SEC23B: variants seen among roughly 807,000 people sequenced by gnomAD.
SEC23B encodes the protein protein transport protein Sec23B.
Under a neutral mutation model 104.3 loss-of-function variants are expected in SEC23B, and 77 were observed. The observed-to-expected ratio is 0.74, with a 90% confidence interval of 0.61 to 0.89. The LOEUF is 0.89. Ranked by LOEUF, SEC23B falls within the 40% of genes least tolerant of loss-of-function variation. SEC23B has a pLI of 0.00. For missense variants in SEC23B, 885 were observed against 949.4 expected, an observed-to-expected ratio of 0.93 and a Z score of 0.89; for synonymous variants, 338 against 332.5, an observed-to-expected ratio of 1.02 and a Z score of -0.18.
At chr20:18,542,987 C>T in intron 13 of SEC23B, 32 bp from the exon 14 acceptor site, 1 of 1,613,872 alleles carries the variant, frequency 6.2e-7, no homozygotes, top group Non-Finnish European at 8.5e-7. Context: ...CTCTCCTAAA[C>T]ATAAGCATGG....
chr20:18,512,299 TA>T lies in SEC23B; in HGVS notation c.279+23del. 1 of 1,461,426 alleles carries T rather than the reference TA, an allele frequency of 6.8e-7. No individual in the cohort carries two copies. The highest frequency in any genetic ancestry group is 9.5e-7 in the Non-Finnish European group (1 of 1,049,076). 90.5% of individuals were successfully genotyped at this position (1,461,426 alleles called of 1,614,324 possible). A position where few individuals can be genotyped will look rare whatever the true frequency, so the allele number is the denominator to read the frequency against. On this transcript the variant is annotated intron_variant, in intron 3 of 19. Transcript: ENST00000650089. ...AGAAATCAGGTATGTGAATTATTTT[TA>T]AAAAATGTTATATGTTTTATTTTAG...
intron 3 of SEC23B, among the ~76,000 whole-genome samples, chr20:18,515,264 C>T (rs188782855): frequency 3.3e-5 from 5 of 152,260 alleles, no homozygotes; most frequent in Admixed American, 6.5e-5. Context: ...TGTTTTTTAA[C>T]GTGTCCTGTA....
At chr20:18,512,784 G>A (rs1255383165) in intron 3 of SEC23B, among the ~76,000 whole-genome samples, 1 of 152,190 alleles carries the variant, frequency 6.6e-6, no homozygotes, top group Non-Finnish European at 1.5e-5. Context: ...AGGCCTAGTG[G>A]CTCATGCCTG....
chr20:18,524,349 A>C lies in SEC23B; in HGVS notation c.367-84A>C, dbSNP rs1268380303. The C allele has an allele frequency of 6.5e-5, 63 of 966,130 alleles. No homozygotes were observed. In the South Asian group the frequency reaches 6.7e-4, roughly 10 times the overall value. 59.8% of individuals were successfully genotyped at this position (966,130 alleles called of 1,614,324 possible). The stretch of plus-strand genomic sequence containing the variant: ...AAACTAAATATAGATGAAGACTTAC[A>C]ATTTTCATACCTAATTTGCCTTAAA... On this transcript the variant is annotated intron_variant, in intron 4 of 19. Transcript: ENST00000650089.
At chr20:18,550,076 ATATATATGTATATGAT>A (rs1239448881) in intron 16 of SEC23B, among the ~76,000 whole-genome samples, 1 of 148,194 alleles carries the variant, frequency 6.7e-6, no homozygotes, top group Non-Finnish European at 1.5e-5. Flanking sequence ...ATGTATATAA[ATATATATGTATATGAT>A]TATATATGTA....
At chr20:18,557,963 C>T (rs965851416) in intron 19 of SEC23B, among the ~76,000 whole-genome samples, 1 of 151,908 alleles carries the variant, frequency 6.6e-6, no homozygotes, top group Non-Finnish European at 1.5e-5. Flanking sequence ...GTTGGTCAGG[C>T]TGGTCTCGAA....
At position 18,540,032 on chromosome 20, in the gene SEC23B, A is replaced by ATCTG. The variant is rs2060273915; in HGVS notation, c.1405-2263_1405-2262insCTGT. Reference sequence around the variant, plus strand: ...CTGAAGTCTCAAACCCCTCAAAATTATAAGAACTGGAGTAAACTTCCAAAC... The same window carrying ATCTG: ...CTGAAGTCTCAAACCCCTCAAAATTATCTGTAAGAACTGGAGTAAACTTCCAAAC... On this transcript the variant is annotated intron_variant, in intron 12 of 19. Coordinates refer to ENST00000650089, the MANE Select transcript of SEC23B (RefSeq NM_006363.6). 3.3e-5 allele frequency among the ~76,000 whole-genome samples: 5 copies of ATCTG among 151,384 alleles called. No individual in the cohort carries two copies. In the South Asian group the frequency reaches 1.1e-3, roughly 32 times the overall value.
Position 18,554,967 on chromosome 20 carries a change from CAATT to C in SEC23B, c.2149-140_2149-137del. 16 of 69,434 alleles carry C rather than the reference CAATT, an allele frequency of 2.3e-4. 7 individuals carry two copies. Among genetic ancestry groups the C allele is most frequent in the South Asian group, 1.2e-3 (6 of 4,862 alleles). The allele number at this position is 69,434 out of a possible 1,614,324, so 4.3% of individuals were successfully genotyped here. On this transcript the variant is annotated intron_variant, in intron 18 of 19. Transcript: ENST00000650089. ...AGAAATAGATTACTGTGCAGTAAAA[CAATT>C]CTAATTAGATTACTGTGCAGTAAAA...
Position 18,530,683 on chromosome 20 carries a change from C to G in SEC23B, c.1113C>G (p.Gly371=). The change falls in exon 10 of 20, where the codon GGC becomes GGG. Residue 371 remains glycine (G), a synonymous_variant. Coordinates refer to ENST00000650089, the MANE Select transcript of SEC23B (RefSeq NM_006363.6). The part of the protein sequence containing the change: ...EMKCCANLTG[G]YMVMGDSFNT... ...TGATTTTTTTCTTCTTACCTAGAGG[C>G]TACATGGTAATGGGAGATTCTTTCA... 9 of 1,612,044 alleles carry G rather than the reference C, an allele frequency of 5.6e-6. No homozygotes were observed. The highest frequency in any genetic ancestry group is 7.6e-6 in the Non-Finnish European group (9 of 1,178,224).
intron 12 of SEC23B, among the ~76,000 whole-genome samples, chr20:18,540,274 A>T (rs1363250858): frequency 6.6e-6 from 1 of 152,232 alleles, no homozygotes; most frequent in Non-Finnish European, 1.5e-5. Flanking sequence ...TGCAGAACGG[A>T]TGTTGTGTTA....
intron 12 of SEC23B, among the ~76,000 whole-genome samples, chr20:18,537,057 C>G (rs1419906487): frequency 6.6e-6 from 1 of 152,130 alleles, no homozygotes; most frequent in Non-Finnish European, 1.5e-5. Flanking sequence ...ACAGTTCAAA[C>G]CTGTGTTACT....
chr20:18,535,206 A>G (rs1163838838), intron 11 of SEC23B, among the ~76,000 whole-genome samples: 1 of 79,238 alleles, frequency 1.3e-5, no homozygotes, highest in Non-Finnish European at 2.6e-5. Flanking sequence ...ACCCCCCCCC[A>G]CACACACGTA....
intron 4 of SEC23B, among the ~76,000 whole-genome samples, chr20:18,518,582 G>GTTTTTTT (rs57231166): frequency 0.089 from 8,190 of 92,440 alleles, 1,165 homozygotes; most frequent in Non-Finnish European, 0.12. Context: ...CTGGAAGGAG[G>GTTTTTTT]TTTTTTTTTT....
chr20:18,518,021 G>A (rs2060045668), intron 4 of SEC23B, among the ~76,000 whole-genome samples: 1 of 152,206 alleles, frequency 6.6e-6, no homozygotes, highest in African/African-American at 2.4e-5. Flanking sequence ...TGAGCTTGGT[G>A]AGGTGTGTTT....
At chr20:18,545,919 G>A (rs750348705) in intron 14 of SEC23B, 37 bp from the exon 15 acceptor site, 2 of 1,159,262 alleles carry the variant, frequency 1.7e-6, no homozygotes, top group Admixed American at 3.4e-5. Context: ...CTCTTTTTGT[G>A]TGTGTTTGTT....
At chr20:18,552,204 G>A (rs903704291) in intron 17 of SEC23B, among the ~76,000 whole-genome samples, 5 of 78,568 alleles carry the variant, frequency 6.4e-5, no homozygotes, top group African/African-American at 9.9e-5. Context: ...TTCTGATGTC[G>A]TGAAAAGATA....
At chr20:18,511,168 AG>A (rs2059979042) in intron 2 of SEC23B, 112 bp downstream of exon 2, 1 of 826,394 alleles carries the variant, frequency 1.2e-6, no homozygotes, top group Non-Finnish European at 2.1e-6. Context: ...TGTGATAAGT[AG>A]TAGATGATGA....
intron 14 of SEC23B, among the ~76,000 whole-genome samples, chr20:18,544,646 G>A (rs8121110): frequency 0.011 from 1,661 of 152,264 alleles, 36 homozygotes; most frequent in African/African-American, 0.038. Flanking sequence ...CAAGGGAGAC[G>A]TGGCTGTGAT....
chr20:18,527,411 A>G lies in SEC23B; in HGVS notation c.994-85A>G, dbSNP rs758008968. The G allele has an allele frequency of 4.4e-4, 363 of 822,560 alleles. 2 individuals are homozygous for G. The Middle Eastern group carries it at 6.5e-3, about 15-fold the overall frequency. The allele number at this position is 822,560 out of a possible 1,614,324, so 51.0% of individuals were successfully genotyped here. On this transcript the variant is annotated intron_variant, in intron 8 of 19. Transcript: ENST00000650089. ...AAAAGAAAATGATTTACATGTTTTT[A>G]TATTTGATTACCTCCTTCGGTAATT...
Sources: gnomAD v4.1 joint callset for allele counts (sites outside exome capture counted in the v4.1 genomes callset) on GRCh38, gnomAD v4.1.1 for gene constraint, MANE v1.5 for transcripts, NCBI Gene and HGNC (gene_info 2026-07-23, HGNC 2026-07-21) for gene names.